Variants in CRADD observed in about 807,000 individuals in gnomAD.
CRADD encodes the protein death domain-containing protein CRADD.
In CRADD, 9 loss-of-function variants were observed where a neutral mutation model predicts 15.5. That is an observed-to-expected ratio of 0.58 (90% CI 0.35 to 1.01). The LOEUF is 1.01. Among genes scored for constraint, CRADD ranks in the 50% least tolerant of loss-of-function variants. The pLI is 0.02. For missense variants in CRADD, 227 were observed against 250.3 expected (o/e 0.91, Z 0.63); for synonymous variants, 118 against 107.6 (o/e 1.10, Z -0.60).
At chr12:93,837,450 T>C (rs1957987126) in intron 2 of CRADD, 1 of 152,064 alleles carries the variant, frequency 6.6e-6, no homozygotes, top group Admixed American at 6.5e-5. Context: ...GTATTTTTAA[T>C]AGAGACAGGT....
intron 2 of CRADD, among the ~76,000 whole-genome samples, chr12:93,742,241 T>A (rs926193327): frequency 2.6e-5 from 4 of 152,168 alleles, no homozygotes; most frequent in African/African-American, 9.7e-5. Flanking sequence ...TTGAGGCATC[T>A]GCTGTTTTGT....
intron 2 of CRADD, among the ~76,000 whole-genome samples, chr12:93,863,394 C>G (rs952619999): frequency 1.4e-4 from 22 of 152,146 alleles, no homozygotes; most frequent in Non-Finnish European, 2.9e-4. Context: ...TGGTGCCTCC[C>G]CAACTAAGCT....
chr12:93,859,443 G>A (rs2137057928), intron 2 of CRADD: 2 of 446,090 alleles, frequency 4.5e-6, no homozygotes, highest in Admixed American at 2.4e-5. Context: ...GAATTGGAAG[G>A]TGAGGTCCAA....
chr12:93,850,241 C>T lies in CRADD; in HGVS notation c.570C>T (p.Asp190=), dbSNP rs1384276976. 3 of 1,606,258 alleles carry T rather than the reference C, an allele frequency of 1.9e-6. No homozygotes were observed. The highest frequency in any genetic ancestry group is 1.7e-5 in the Admixed American group (1 of 59,016). The change falls in exon 3 of 3, where the codon GAC becomes GAT. Residue 190 remains aspartate (D), a synonymous_variant. Coordinates refer to ENST00000332896, the MANE Select transcript of CRADD (RefSeq NM_003805.5). This position sits in a 1 kb window ranked among gnomAD's most constrained non-coding sequence, Gnocchi z 4.0. Reference sequence around the variant, plus strand: ...ACGGGCTGCGGGCTGTGGAGGTGGACCCCTCGCTGCTCCTGCACATGTTGG... The same window carrying T: ...ACGGGCTGCGGGCTGTGGAGGTGGATCCCTCGCTGCTCCTGCACATGTTGG... ...LHNGLRAVEV[D]PSLLLHMLE is the part of the protein sequence containing the mutation.
intron 2 of CRADD, among the ~76,000 whole-genome samples, chr12:93,804,947 G>T (rs1306666422): frequency 6.6e-6 from 1 of 152,038 alleles, no homozygotes; most frequent in Non-Finnish European, 1.5e-5. Flanking sequence ...TACAAAGGGG[G>T]TGAGAACTAA....
At chr12:93,818,473 C>T (rs1715268152) in intron 2 of CRADD, among the ~76,000 whole-genome samples, 1 of 152,184 alleles carries the variant, frequency 6.6e-6, no homozygotes, top group Non-Finnish European at 1.5e-5. Context: ...AGCTGCTGTG[C>T]AGGCCAGGTG....
chr12:93,745,642 T>C lies in CRADD; in HGVS notation c.298+66570T>C, dbSNP rs545003683. ...GATAATCCAATCTTAGCCATATATC[T>C]CAGGTGACTCTATATCTGAAACGTG... On this transcript the variant is annotated intron_variant, in intron 2 of 2. Transcript: ENST00000332896. 2.2e-3 allele frequency among the ~76,000 whole-genome samples: 333 copies of C among 152,340 alleles called. 3 individuals carry two copies. Among genetic ancestry groups the C allele is most frequent in the African/African-American group, 7.3e-3 (304 of 41,572 alleles).
intron 2 of CRADD, among the ~76,000 whole-genome samples, chr12:93,828,159 G>C (rs1957847011): frequency 6.6e-6 from 1 of 152,040 alleles, no homozygotes; most frequent in Non-Finnish European, 1.5e-5. Flanking sequence ...AAAAAATTGG[G>C]TTATTTTTGT....
intron 2 of CRADD, among the ~76,000 whole-genome samples, chr12:93,692,868 A>G (rs1456055204): frequency 6.6e-6 from 1 of 152,216 alleles, no homozygotes; most frequent in Non-Finnish European, 1.5e-5. Flanking sequence ...TGAAGGTTAA[A>G]AGATGAAACT....
intron 2 of CRADD, among the ~76,000 whole-genome samples, chr12:93,891,913 C>A (rs1298661927): frequency 6.6e-6 from 1 of 152,196 alleles, no homozygotes. Flanking sequence ...TTACCCACTA[C>A]TGTAATTACC....
intron 2 of CRADD, among the ~76,000 whole-genome samples, chr12:93,779,388 A>G (rs1311102364): frequency 2.0e-5 from 3 of 152,178 alleles, no homozygotes; most frequent in Admixed American, 6.5e-5. Flanking sequence ...AAAGTTGGAC[A>G]TAACCAAATA....
chr12:93,746,052 G>A (rs1956744444), intron 2 of CRADD, among the ~76,000 whole-genome samples: 1 of 152,154 alleles, frequency 6.6e-6, no homozygotes, highest in Admixed American at 6.5e-5. Context: ...TAGGGTTAGG[G>A]CAAAGAACAT....
At chr12:93,789,284 C>T (rs1286147481) in intron 2 of CRADD, among the ~76,000 whole-genome samples, 1 of 152,098 alleles carries the variant, frequency 6.6e-6, no homozygotes, top group East Asian at 1.9e-4. Context: ...GCCTGGGAAG[C>T]TGGAGATGTG....
At chr12:93,685,679 G>A (rs1955411644) in intron 2 of CRADD, among the ~76,000 whole-genome samples, 2 of 152,154 alleles carry the variant, frequency 1.3e-5, no homozygotes, top group South Asian at 2.1e-4. Context: ...AAGTAGAAAT[G>A]TGTCAACATA....
chr12:93,787,312 T>G (rs546897636), intron 2 of CRADD, among the ~76,000 whole-genome samples: 107 of 149,476 alleles, frequency 7.2e-4, no homozygotes, highest in Non-Finnish European at 1.1e-3. Context: ...AGGGTTTTTT[T>G]TTTTTTTTTT....
At chr12:93,681,096 C>T (rs1955283965) in intron 2 of CRADD, among the ~76,000 whole-genome samples, 1 of 151,764 alleles carries the variant, frequency 6.6e-6, no homozygotes, top group Non-Finnish European at 1.5e-5. Context: ...GTTGGTCAGG[C>T]TGGTCTTAAA....
At chr12:93,877,555 A>G (rs982091750) in intron 2 of CRADD, among the ~76,000 whole-genome samples, 3 of 152,218 alleles carry the variant, frequency 2.0e-5, no homozygotes, top group Admixed American at 6.5e-5. Context: ...GGTGCAGATC[A>G]GTGCACAAGA....
At chr12:93,881,363 T>G (rs551616849) in intron 2 of CRADD, among the ~76,000 whole-genome samples, 1 of 149,882 alleles carries the variant, frequency 6.7e-6, no homozygotes, top group East Asian at 2.0e-4. Context: ...AAAAAGACTG[T>G]GGCTAATAGA....
rs144878645 is a variant in CRADD, at chr12:93,891,455, C to A, written c.299-2595C>A. 6.2e-3 allele frequency among the ~76,000 whole-genome samples: 942 copies of A among 152,294 alleles called. 11 individuals carry two copies. The highest frequency in any genetic ancestry group is 0.021 in the African/African-American group (871 of 41,576). ...TGAGCCGAGATTGTGTCACTGCACT[C>A]CAGCCTGGGTGACAGAGCGACACTC... is the stretch of plus-strand genomic sequence containing the variant. On this transcript the variant is annotated intron_variant, in intron 2 of 2. Coordinates refer to the CRADD transcript ENST00000548483.
Sources: allele counts gnomAD v4.1 joint callset (sites outside exome capture counted in the v4.1 genomes callset), GRCh38; gene constraint gnomAD v4.1.1; non-coding constraint Gnocchi (gnomAD v3.1); transcripts MANE v1.5; gene names NCBI Gene and HGNC (gene_info 2026-07-23, HGNC 2026-07-21).